Variants in GRM8 observed in about 807,000 individuals in gnomAD.
GRM8 encodes metabotropic glutamate receptor 8.
In GRM8, 47 loss-of-function variants were observed where a neutral mutation model predicts 87.2. The ratio of observed to expected loss-of-function variants is 0.54; its 90% CI spans 0.43 to 0.69. The LOEUF (loss-of-function observed/expected upper bound fraction) is 0.69. Ranked by LOEUF, GRM8 falls within the 30% of genes least tolerant of loss-of-function variation. The pLI is 0.00. For synonymous variants in GRM8, 396 were observed against 404.5 expected (o/e 0.98, Z 0.25); for missense variants, 1,019 against 1,139.2 (o/e 0.89, Z 1.52).
intron 3 of GRM8, among the ~76,000 whole-genome samples, chr7:127,079,209 G>A (rs1822599824): frequency 6.6e-6 from 1 of 151,746 alleles, no homozygotes; most frequent in African/African-American, 2.4e-5. Context: ...CAACCTCTCT[G>A]CCTCCCAGGT....
At chr7:126,489,154 A>G (rs1396614521) in intron 9 of GRM8, among the ~76,000 whole-genome samples, 2 of 152,152 alleles carry the variant, frequency 1.3e-5, no homozygotes, top group Admixed American at 1.3e-4. Flanking sequence ...GCCACAAAAC[A>G]TATTTGAGTC....
chr7:126,873,854 G>C (rs1799310751), intron 6 of GRM8, among the ~76,000 whole-genome samples: 2 of 151,928 alleles, frequency 1.3e-5, no homozygotes, highest in African/African-American at 4.8e-5. Context: ...TGCATAAAAA[G>C]TCTGCTAATT....
chr7:126,715,598 T>G (rs1314722660), intron 7 of GRM8, among the ~76,000 whole-genome samples: 2 of 152,214 alleles, frequency 1.3e-5, no homozygotes, highest in Non-Finnish European at 2.9e-5. Context: ...ATAATTTATC[T>G]GTGAATTATC....
At chr7:126,443,251 C>A (rs1222715598) in intron 10 of GRM8, among the ~76,000 whole-genome samples, 1 of 151,988 alleles carries the variant, frequency 6.6e-6, no homozygotes, top group Non-Finnish European at 1.5e-5. Flanking sequence ...GTTTCTAACT[C>A]CCCTCGCACT....
chr7:126,438,995 A>G lies in GRM8; in HGVS notation c.*124T>C. On this transcript the variant is annotated 3_prime_UTR_variant, in exon 11 of 11. Transcript: ENST00000339582. ...CTCATGGCTAATTTTTGTTCCTTAC[A>G]AGACTGACTATTGATTTGATTGATT... 1 of 729,642 alleles carries G rather than the reference A, an allele frequency of 1.4e-6. No individual in the cohort carries two copies. Among genetic ancestry groups the G allele is most frequent in the Non-Finnish European group, 2.5e-6 (1 of 401,210 alleles). The allele number at this position is 729,642 out of a possible 1,614,324, so 45.2% of individuals were successfully genotyped here.
intron 8 of GRM8, among the ~76,000 whole-genome samples, chr7:126,598,100 T>C (rs1797383127): frequency 6.6e-6 from 1 of 152,084 alleles, no homozygotes; most frequent in Non-Finnish European, 1.5e-5. Context: ...TTGCTAACCA[T>C]CATTCTATTC....
intron 9 of GRM8, among the ~76,000 whole-genome samples, chr7:126,466,172 C>CT (rs575595847): frequency 1.7e-4 from 24 of 144,936 alleles, no homozygotes; most frequent in South Asian, 4.2e-4. Flanking sequence ...AAAAAAGGTA[C>CT]TTTTTTTTTA....
At position 126,522,878 on chromosome 7, in the gene GRM8, T is replaced by C. The variant is rs141250633; in HGVS notation, c.2430+10074A>G. Among the ~76,000 whole-genome samples, 290 of 152,314 alleles carry C rather than the reference T, an allele frequency of 1.9e-3. 1 individual carries two copies. The highest frequency in any genetic ancestry group is 6.7e-3 in the African/African-American group (280 of 41,580). On this transcript the variant is annotated intron_variant, in intron 9 of 10. Transcript: ENST00000339582. ...CTTGACCAGTCACTTCTGTGCTTGG[T>C]ATTATCCCCCTGACTTGACCCTTAA...
At chr7:127,193,896 C>T (rs1366453080) in intron 2 of GRM8, among the ~76,000 whole-genome samples, 4 of 152,094 alleles carry the variant, frequency 2.6e-5, no homozygotes, top group Non-Finnish European at 5.9e-5. Context: ...AAAAATACAA[C>T]ATAAGATCCC....
chr7:126,856,579 A>G (rs752643606), intron 6 of GRM8, among the ~76,000 whole-genome samples: 1 of 152,236 alleles, frequency 6.6e-6, no homozygotes, highest in Non-Finnish European at 1.5e-5. Context: ...AGTCAATCAG[A>G]CTACTGAATA....
intron 6 of GRM8, among the ~76,000 whole-genome samples, chr7:126,897,205 A>G (rs1211475776): frequency 6.6e-6 from 1 of 152,216 alleles, no homozygotes; most frequent in Non-Finnish European, 1.5e-5. Flanking sequence ...GCTTTTGTTT[A>G]GCAGCTTAAC....
intron 7 of GRM8, among the ~76,000 whole-genome samples, chr7:126,654,232 ATCGCCCCTGG>A (rs1711666336): frequency 6.6e-6 from 1 of 152,174 alleles, no homozygotes; most frequent in Non-Finnish European, 1.5e-5. Context: ...GGTTATACTG[ATCGCCCCTGG>A]TGACTTGTGT....
chr7:126,543,096 C>T (rs1362378643), intron 8 of GRM8, among the ~76,000 whole-genome samples: 2 of 152,164 alleles, frequency 1.3e-5, no homozygotes, highest in African/African-American at 4.8e-5. Context: ...ATGATCTTGT[C>T]CCTGTCTAAC....
rs145917248 is a variant in GRM8 at position 126,534,508 on chromosome 7, GA to G, written c.1495-622del. Among the ~76,000 whole-genome samples, 48 of 152,254 alleles carry G rather than the reference GA, an allele frequency of 3.2e-4. No individual in the cohort carries two copies. The East Asian group carries it at 8.9e-3, about 28-fold the overall frequency. ...TCCATGTTGTGCAAAACACCATGCT[GA>G]ATGAGATAACTTGATGGTAATGTTT... is the stretch of plus-strand genomic sequence containing the variant. On this transcript the variant is annotated intron_variant, in intron 8 of 10. Coordinates refer to ENST00000339582, the MANE Select transcript of GRM8 (RefSeq NM_000845.3).
At chr7:127,117,872 A>G (rs1826794203) in intron 2 of GRM8, among the ~76,000 whole-genome samples, 1 of 152,244 alleles carries the variant, frequency 6.6e-6, no homozygotes, top group South Asian at 2.1e-4. Flanking sequence ...TAACTAACAA[A>G]TTGAAGTCAA....
intron 7 of GRM8, among the ~76,000 whole-genome samples, chr7:126,659,434 C>G (rs1804907355): frequency 6.6e-6 from 1 of 151,942 alleles, no homozygotes. Flanking sequence ...ATATTTTTTT[C>G]CTAAATACAA....
chr7:126,477,779 A>C (rs2150581490), intron 9 of GRM8, among the ~76,000 whole-genome samples: 1 of 152,278 alleles, frequency 6.6e-6, no homozygotes, highest in African/African-American at 2.4e-5. Context: ...AAGACAATTT[A>C]TTTAGAGTAT....
At chr7:127,180,326 A>G (rs947518575) in intron 2 of GRM8, among the ~76,000 whole-genome samples, 19 of 152,114 alleles carry the variant, frequency 1.2e-4, no homozygotes, top group African/African-American at 4.3e-4. Context: ...GAACAGACCA[A>G]TAACAAGCAG....
intron 9 of GRM8, among the ~76,000 whole-genome samples, chr7:126,489,279 C>T (rs892959052): frequency 1.3e-4 from 19 of 151,996 alleles, no homozygotes; most frequent in African/African-American, 3.9e-4. Flanking sequence ...TTTGGCATAG[C>T]TATTACCCTG....
Sources: gnomAD v4.1 joint callset for allele counts (sites outside exome capture counted in the v4.1 genomes callset) on GRCh38, gnomAD v4.1.1 for gene constraint, MANE v1.5 for transcripts, NCBI Gene and HGNC (gene_info 2026-07-23, HGNC 2026-07-21) for gene names.